Variants in GTPBP8 observed in about 807,000 individuals in gnomAD.
GTPBP8 encodes GTP-binding protein 8.
GTPBP8 carries 21 observed loss-of-function variants against 27.3 expected under a neutral mutation model. That is an observed-to-expected ratio of 0.77 (90% confidence interval 0.55 to 1.11). GTPBP8 has a LOEUF of 1.11. Among genes scored for constraint, GTPBP8 ranks in the 50% least tolerant of loss-of-function variants. The pLI, the probability that GTPBP8 is intolerant of heterozygous loss-of-function variation, is 0.00. For synonymous variants in GTPBP8, 147 were observed against 135.3 expected (o/e 1.09, Z -0.60); for missense variants, 380 against 350.8 (o/e 1.08, Z -0.67).
At chr3:112,995,301 T>G in intron 3 of GTPBP8, 36 bp downstream of exon 3, 1 of 1,432,994 alleles carries the variant, frequency 7.0e-7, no homozygotes, top group East Asian at 2.3e-5. Context: ...GTTATACATT[T>G]AACCCCAAAG....
At chr3:112,994,284 G>A (rs1048330850) in intron 2 of GTPBP8, among the ~76,000 whole-genome samples, 16 of 152,148 alleles carry the variant, frequency 1.1e-4, no homozygotes, top group Admixed American at 8.5e-4. Context: ...TTAGCCAGGC[G>A]CGGTGGTGCA....
intron 1 of GTPBP8, chr3:112,991,606 T>C: frequency 3.1e-6 from 2 of 648,776 alleles, no homozygotes; most frequent in South Asian, 3.0e-5. Flanking sequence ...AGAGACTGCC[T>C]GTATACAGCT....
rs73857315 is a variant in GTPBP8, at chr3:112,999,191, T to C, written c.667-255T>C. Among the ~76,000 whole-genome samples the C allele has an allele frequency of 7.5e-3, 1,145 of 152,364 alleles. 20 individuals carry two copies. The highest frequency in any genetic ancestry group is 0.026 in the African/African-American group (1,065 of 41,582). ...CCTTCTCATTGATCTTTCCAAGATA[T>C]TGTGGCCCTATGTGGTTAAAGCACC... On this transcript the variant is annotated intron_variant, in intron 4 of 5. Transcript: ENST00000383678.
intron 2 of GTPBP8, 129 bp from the exon 3 acceptor site, chr3:112,995,006 C>T (rs562577040): frequency 1.6e-6 from 1 of 612,742 alleles, no homozygotes; most frequent in Admixed American, 2.9e-5. Context: ...GTGTCATCAT[C>T]AGCATAGTTA....
At chr3:112,992,268 A>C (rs1258108157) in intron 1 of GTPBP8, 1 of 152,252 alleles carries the variant, frequency 6.6e-6, no homozygotes, top group African/African-American at 2.4e-5. Flanking sequence ...AGAACTGACC[A>C]GAATTTTCCA....
chr3:113,000,149 G>A (rs1257858441), intron 5 of GTPBP8, among the ~76,000 whole-genome samples: 1 of 152,168 alleles, frequency 6.6e-6, no homozygotes, highest in East Asian at 1.9e-4. Flanking sequence ...GCATTTTTGG[G>A]AGGCCGAGGT....
At chr3:112,998,149 A>C (rs1933822789) in intron 4 of GTPBP8, among the ~76,000 whole-genome samples, 1 of 152,162 alleles carries the variant, frequency 6.6e-6, no homozygotes, top group Admixed American at 6.5e-5. Context: ...TTAACACAGA[A>C]GACTTCTGTG....
Position 112,997,028 on chromosome 3 carries a change from A to G in GTPBP8, c.666+37A>G, listed in dbSNP as rs374745070. Reference sequence around the variant, plus strand: ...CTTTGAATCATGGTTGCAATTAGAAATATCAGTTCTACGTGCATCTGTGTG... The same window carrying G: ...CTTTGAATCATGGTTGCAATTAGAAGTATCAGTTCTACGTGCATCTGTGTG... On this transcript the variant is annotated intron_variant, in intron 4 of 5. Coordinates refer to ENST00000383678, the MANE Select transcript of GTPBP8 (RefSeq NM_014170.4). The G allele has an allele frequency of 1.9e-5, 18 of 932,740 alleles. No individual in the cohort carries two copies. The African/African-American group carries it at 1.9e-4, about 10-fold the overall frequency. 57.8% of individuals were successfully genotyped at this position (932,740 alleles called of 1,614,324 possible).
At chr3:112,996,609 CATT>C (rs1447793199) in intron 3 of GTPBP8, among the ~76,000 whole-genome samples, 7 of 152,154 alleles carry the variant, frequency 4.6e-5, no homozygotes, top group Admixed American at 2.6e-4. Context: ...GGAACTCACT[CATT>C]ATATATCAAG....
At position 112,991,152 on chromosome 3, in the gene GTPBP8, G is replaced by A. The variant is rs746501886; in HGVS notation, c.153G>A (p.Leu51=). ...KQQLRKLLYP[L]QEVERFLAPY... ...AGCTGAGGAAGCTGCTGTACCCGCT[G>A]CAGGAAGTAGAGCGGTTCCTCGCCC... Residue 51 remains leucine, a synonymous_variant, in exon 1 of 6, where the codon CTG becomes CTA. Coordinates refer to ENST00000383678, the MANE Select transcript of GTPBP8 (RefSeq NM_014170.4). The A allele has an allele frequency of 2.9e-5, 47 of 1,613,998 alleles. No individual in the cohort carries two copies. The highest frequency in any genetic ancestry group is 3.7e-5 in the Non-Finnish European group (44 of 1,180,042).
In GTPBP8 at chr3:113,000,597, TG is replaced by T. The variant is rs569907040; in HGVS notation, c.786-251del. 2.6e-4 allele frequency among the ~76,000 whole-genome samples: 40 copies of T among 152,268 alleles called. 1 individual carries two copies. The South Asian group carries it at 8.3e-3, about 32-fold the overall frequency. On this transcript the variant is annotated intron_variant, in intron 5 of 5. Coordinates refer to ENST00000383678, the MANE Select transcript of GTPBP8 (RefSeq NM_014170.4). ...AAACTAAAGAGATCAAGACTTATTC[TG>T]GAAAACAAAGCAAAATAGAAGATAT...
chr3:112,995,142 C>A lies in GTPBP8; in HGVS notation c.443C>A (p.Thr148Lys). The A allele has an allele frequency of 1.3e-6, 2 of 1,597,718 alleles. No homozygotes were observed. The highest frequency in any genetic ancestry group is 1.1e-5 in the South Asian group (1 of 88,262). ...EVRVSKKPGHTKKMNFFKVGK... is the reference protein window; with the variant it reads ...EVRVSKKPGHKKKMNFFKVGK... ...TTCTATTTACTTTATCAGGGACACA[C>A]AAAGAAAATGAATTTTTTCAAAGTT... Residue 148 changes from threonine (T) to lysine (K), a missense_variant, in exon 3 of 6, where the codon ACA (threonine) becomes AAA (lysine). Coordinates refer to ENST00000383678, the MANE Select transcript of GTPBP8 (RefSeq NM_014170.4).
At chr3:112,992,347 A>T (rs1187073053) in intron 1 of GTPBP8, 2 of 152,294 alleles carry the variant, frequency 1.3e-5, no homozygotes, top group Admixed American at 6.5e-5. Flanking sequence ...ATGCCCTTAA[A>T]ATCTCCAAAA....
chr3:112,993,106 CAG>C lies in GTPBP8; in HGVS notation c.420_421del (p.Arg140SerfsTer31). 1.3e-6 allele frequency: 2 copies of C among 1,595,558 alleles called. No individual in the cohort carries two copies. Among genetic ancestry groups the C allele is most frequent in the Non-Finnish European group, 1.7e-6 (2 of 1,164,372 alleles). ...LFSLAPEVEV[R>X]VSKKPGHTKK... Reference sequence around the variant, plus strand: ...TTTCACTGGCCCCTGAGGTTGAAGTCAGAGTCTCCAAAAAACCAGTATGTTGA... The same window carrying C: ...TTTCACTGGCCCCTGAGGTTGAAGTCAGTCTCCAAAAAACCAGTATGTTGA... On this transcript the variant is annotated frameshift_variant, in exon 2 of 6. Transcript: ENST00000383678. LOFTEE classifies it high-confidence loss of function.
At chr3:112,999,603 G>T in intron 5 of GTPBP8, 39 bp downstream of exon 5, 1 of 796,654 alleles carries the variant, frequency 1.3e-6, no homozygotes, top group Non-Finnish European at 2.1e-6. Flanking sequence ...TTTTTATGAA[G>T]TAATCTTGAG....
At chr3:112,999,962 G>A (rs1361107878) in intron 5 of GTPBP8, among the ~76,000 whole-genome samples, 2 of 152,138 alleles carry the variant, frequency 1.3e-5, no homozygotes, top group East Asian at 3.9e-4. Flanking sequence ...TCCATTTTAT[G>A]GCTGAGTAGT....
At chr3:112,995,749 C>G (rs187133141) in intron 3 of GTPBP8, among the ~76,000 whole-genome samples, 1 of 152,092 alleles carries the variant, frequency 6.6e-6, no homozygotes, top group Non-Finnish European at 1.5e-5. Context: ...GTTGGCCAGG[C>G]TGGTCTCGAA....
chr3:112,991,501 G>A, intron 1 of GTPBP8, 166 bp downstream of exon 1: 1 of 728,200 alleles, frequency 1.4e-6, no homozygotes, highest in Non-Finnish European at 2.5e-6. Flanking sequence ...CTGTACGTGG[G>A]GATACCCGAG....
Position 112,996,917 on chromosome 3 carries a change from G to A in GTPBP8, c.592G>A (p.Asp198Asn), listed in dbSNP as rs747737043. The change falls in exon 4 of 6, where the codon GAT becomes AAT. Residue 198 changes from aspartate (D) to asparagine (N), a missense_variant. Physicochemically the swap from Asp to Asn is conservative, Grantham distance 23 (BLOSUM62 1). Transcript: ENST00000383678. ...CTTGAAGAGAACATTTTTATTAGTGGATAGCGTTGTTGGAATTCAAAAAAC... is the reference window on the plus strand; with the variant it reads ...CTTGAAGAGAACATTTTTATTAGTGAATAGCGTTGTTGGAATTCAAAAAAC... ...RNLKRTFLLV[D>N]SVVGIQKTDN... 2 of 1,557,870 alleles carry A rather than the reference G, an allele frequency of 1.3e-6. No individual in the cohort carries two copies. The highest frequency in any genetic ancestry group is 1.8e-6 in the Non-Finnish European group (2 of 1,130,006).
Sources: allele counts gnomAD v4.1 joint callset (sites outside exome capture counted in the v4.1 genomes callset), GRCh38; gene constraint gnomAD v4.1.1; transcripts MANE v1.5; gene names NCBI Gene and HGNC (gene_info 2026-07-23, HGNC 2026-07-21).